Variants in EPB41L4A observed in about 807,000 individuals in gnomAD.
EPB41L4A encodes erythrocyte membrane protein band 4.1 like 4A.
A neutral mutation model predicts 108.6 loss-of-function variants in EPB41L4A; 100 were observed. The ratio of observed to expected loss-of-function variants is 0.92; its 90% CI spans 0.78 to 1.09. EPB41L4A has a LOEUF of 1.09. Ranked by LOEUF, EPB41L4A falls within the 50% of genes least tolerant of loss-of-function variation. The probability of loss-of-function intolerance (pLI) is 0.00; values close to 1 mark genes in which losing one functional copy is unlikely to be tolerated. For synonymous variants in EPB41L4A, 319 were observed against 289.0 expected, an observed-to-expected ratio of 1.10 and a Z score of -1.05; for missense variants, 1,030 against 842.7, an observed-to-expected ratio of 1.22 and a Z score of -2.75.
chr5:112,378,396 C>T (rs150079462), intron 1 of EPB41L4A, among the ~76,000 whole-genome samples: 169 of 152,144 alleles, frequency 1.1e-3, no homozygotes, highest in Non-Finnish European at 1.0e-3. Context: ...CTTTTCTATC[C>T]GTCAGAATTC....
chr5:112,332,993 G>A (rs551118409), intron 1 of EPB41L4A, among the ~76,000 whole-genome samples: 1 of 152,290 alleles, frequency 6.6e-6, no homozygotes, highest in Non-Finnish European at 1.5e-5. Context: ...AGAGAGAAAT[G>A]GTGGGTATTG....
downstream of EPB41L4A, chr5:112,161,436 G>C (rs2290991): frequency 2.5e-4 from 124 of 490,436 alleles, 3 homozygotes; most frequent in East Asian, 6.9e-3. Flanking sequence ...CGGCATTACT[G>C]TCAGCCAGTC....
At chr5:112,337,718 C>T (rs1336431944) in intron 1 of EPB41L4A, among the ~76,000 whole-genome samples, 1 of 152,100 alleles carries the variant, frequency 6.6e-6, no homozygotes, top group African/African-American at 2.4e-5. Flanking sequence ...GTGATAAGGG[C>T]ATCTAAACAA....
At chr5:112,297,857 C>T (rs552707400) in intron 2 of EPB41L4A, among the ~76,000 whole-genome samples, 4 of 152,070 alleles carry the variant, frequency 2.6e-5, no homozygotes, top group Non-Finnish European at 5.9e-5. Flanking sequence ...GTTTCATTTT[C>T]CATCATGTGA....
intron 9 of EPB41L4A, among the ~76,000 whole-genome samples, chr5:112,243,399 T>C (rs1167170314): frequency 6.6e-6 from 1 of 152,100 alleles, no homozygotes; most frequent in Non-Finnish European, 1.5e-5. Flanking sequence ...ATCATTTGTA[T>C]AGAACCCAGA....
chr5:112,279,143 T>C (rs1411614802), intron 3 of EPB41L4A, among the ~76,000 whole-genome samples: 1 of 151,622 alleles, frequency 6.6e-6, no homozygotes, highest in African/African-American at 2.4e-5. Context: ...GGTTCAAATA[T>C]GCTAGAGCTG....
At chr5:112,400,133 G>A (rs1469097856) in intron 1 of EPB41L4A, among the ~76,000 whole-genome samples, 3 of 152,170 alleles carry the variant, frequency 2.0e-5, no homozygotes, top group Non-Finnish European at 4.4e-5. Context: ...TATGATCATG[G>A]CCGAAGGTGA....
intron 1 of EPB41L4A, among the ~76,000 whole-genome samples, chr5:112,318,381 T>C (rs1250602480): frequency 6.6e-6 from 1 of 152,222 alleles, no homozygotes; most frequent in Non-Finnish European, 1.5e-5. Flanking sequence ...GGATATTCTT[T>C]GGTTTCATCA....
At chr5:112,243,852 G>A (rs1385529913) in intron 9 of EPB41L4A, among the ~76,000 whole-genome samples, 3 of 152,216 alleles carry the variant, frequency 2.0e-5, no homozygotes, top group Non-Finnish European at 2.9e-5. Flanking sequence ...TTAAGGAAAT[G>A]CTGCAGCTTG....
At chr5:112,398,769 GC>G (rs1019809786) in intron 1 of EPB41L4A, among the ~76,000 whole-genome samples, 2 of 151,976 alleles carry the variant, frequency 1.3e-5, no homozygotes, top group African/African-American at 4.8e-5. Flanking sequence ...AGATCAGCTA[GC>G]CCCTGTGAGT....
At chr5:112,287,064 C>G (rs1193997288) in intron 2 of EPB41L4A, among the ~76,000 whole-genome samples, 1 of 152,140 alleles carries the variant, frequency 6.6e-6, no homozygotes, top group Non-Finnish European at 1.5e-5. Flanking sequence ...GCTCATATTT[C>G]CCTGACCAGG....
chr5:112,219,901 G>A (rs1747926532), intron 12 of EPB41L4A, among the ~76,000 whole-genome samples: 1 of 152,092 alleles, frequency 6.6e-6, no homozygotes, highest in Non-Finnish European at 1.5e-5. Flanking sequence ...TCACCATGTT[G>A]GCCAGGCTGG....
At position 112,378,340 on chromosome 5, in the gene EPB41L4A, G is replaced by A. The variant is rs556073887; in HGVS notation, c.99+40601C>T. Among the ~76,000 whole-genome samples, 219 of 152,284 alleles carry A rather than the reference G, an allele frequency of 1.4e-3. 1 individual carries two copies. Among genetic ancestry groups the A allele is most frequent in the African/African-American group, 4.9e-3 (202 of 41,558 alleles). ...CTAAGAATGCAAGTTACCTAGAGCAGAGAGTAGTTTCTCTAGCCCTGTAAT... is the reference window on the plus strand; with the variant it reads ...CTAAGAATGCAAGTTACCTAGAGCAAAGAGTAGTTTCTCTAGCCCTGTAAT... On this transcript the variant is annotated intron_variant, in intron 1 of 22. Coordinates refer to ENST00000261486, the MANE Select transcript of EPB41L4A (RefSeq NM_022140.5).
At chr5:112,411,625 CAAA>C (rs397971185) in intron 1 of EPB41L4A, among the ~76,000 whole-genome samples, 1 of 128,124 alleles carries the variant, frequency 7.8e-6, no homozygotes, top group Non-Finnish European at 1.7e-5. Context: ...CTGGGGCTGG[CAAA>C]AAAAAAAAAA....
intron 1 of EPB41L4A, among the ~76,000 whole-genome samples, chr5:112,405,701 T>G (rs1762036563): frequency 6.6e-6 from 1 of 152,194 alleles, no homozygotes; most frequent in African/African-American, 2.4e-5. Context: ...TCACTTTTTC[T>G]AAAATACCTT....
intron 2 of EPB41L4A, among the ~76,000 whole-genome samples, chr5:112,295,076 T>G (rs1753906772): frequency 6.6e-6 from 1 of 152,116 alleles, no homozygotes; most frequent in African/African-American, 2.4e-5. Context: ...TCTAGAGAGG[T>G]GAATAGATGA....
chr5:112,296,135 T>A (rs1753971366), intron 2 of EPB41L4A, among the ~76,000 whole-genome samples: 1 of 152,164 alleles, frequency 6.6e-6, no homozygotes, highest in Non-Finnish European at 1.5e-5. Context: ...AATCTGCAAT[T>A]CTAAGATTCT....
intron 12 of EPB41L4A, chr5:112,228,386 A>T (rs1395768042): frequency 6.6e-6 from 1 of 152,204 alleles, no homozygotes; most frequent in Non-Finnish European, 1.5e-5. Context: ...CTGTGCACAA[A>T]CCATCCTCTC....
intron 12 of EPB41L4A, among the ~76,000 whole-genome samples, chr5:112,155,089 CTT>C (rs1001699443): frequency 3.3e-5 from 5 of 151,996 alleles, no homozygotes; most frequent in African/African-American, 1.2e-4. Flanking sequence ...AAATACTAGA[CTT>C]AATCTTAAAA....
Sources: gnomAD v4.1 joint callset for allele counts (sites outside exome capture counted in the v4.1 genomes callset) on GRCh38, gnomAD v4.1.1 for gene constraint, MANE v1.5 for transcripts, NCBI Gene and HGNC (gene_info 2026-07-23, HGNC 2026-07-21) for gene names.